PPM1H: variants seen among roughly 807,000 people sequenced by gnomAD.
PPM1H encodes protein phosphatase 1H.
Under a neutral mutation model 54.9 loss-of-function variants are expected in PPM1H, and 27 were observed. The ratio of observed to expected loss-of-function variants is 0.49; its 90% CI spans 0.36 to 0.68. The LOEUF (loss-of-function observed/expected upper bound fraction) is 0.68. Ranked by LOEUF, PPM1H falls within the 30% of genes least tolerant of loss-of-function variation. The pLI is 0.00. For synonymous variants in PPM1H, 305 were observed against 270.8 expected, an observed-to-expected ratio of 1.13 and a Z score of -1.24; for missense variants, 596 against 667.8, an observed-to-expected ratio of 0.89 and a Z score of 1.19.
In PPM1H at chr12:62,934,914, G is replaced by A; in HGVS notation, c.-178C>T. 2.3e-6 allele frequency: 1 copy of A among 442,654 alleles called. No homozygotes were observed. The highest frequency in any genetic ancestry group is 1.1e-4 in the South Asian group (1 of 8,772). The allele number at this position is 442,654 out of a possible 1,614,324, so 27.4% of individuals were successfully genotyped here. The stretch of plus-strand genomic sequence containing the variant: ...GCAGGGGGCCGAGCCCCGGCCTCTC[G>A]TGCTTAGTGCCGCGGTGGCCGCCGC... On this transcript the variant is annotated 5_prime_UTR_variant, in exon 1 of 10. In the 5' UTR this introduces an upstream ATG that the reference lacks. Transcript: ENST00000228705. This position sits in a 1 kb window ranked among gnomAD's most constrained non-coding sequence, Gnocchi z 4.2.
chr12:62,743,120 G>C (rs1312768758), intron 4 of PPM1H, among the ~76,000 whole-genome samples: 1 of 152,172 alleles, frequency 6.6e-6, no homozygotes, highest in Non-Finnish European at 1.5e-5. Context: ...GGAGGCCAAG[G>C]GGGATGGATC....
chr12:62,662,064 C>T (rs191869824), intron 9 of PPM1H, among the ~76,000 whole-genome samples: 229 of 152,260 alleles, frequency 1.5e-3, no homozygotes, highest in African/African-American at 4.2e-3. Flanking sequence ...ACCCTGCCTC[C>T]GTAGGCAGCA....
chr12:62,747,384 C>A (rs2076418867), intron 4 of PPM1H, among the ~76,000 whole-genome samples: 1 of 152,162 alleles, frequency 6.6e-6, no homozygotes, highest in South Asian at 2.1e-4. Flanking sequence ...GATCCACCCG[C>A]CTCGGCCTCC....
chr12:62,787,470 A>C (rs1167530155), intron 4 of PPM1H, among the ~76,000 whole-genome samples: 1 of 152,214 alleles, frequency 6.6e-6, no homozygotes, highest in Middle Eastern at 3.2e-3. Flanking sequence ...TATTTGTTGC[A>C]AAATCTGTAA....
At chr12:62,720,651 C>T (rs369422823) in intron 5 of PPM1H, 3 of 205,958 alleles carry the variant, frequency 1.5e-5, no homozygotes, top group African/African-American at 2.3e-5. Context: ...CTTTTCCACA[C>T]TCATCTCACT....
At chr12:62,807,425 G>T (rs1401573634) in intron 2 of PPM1H, among the ~76,000 whole-genome samples, 1 of 152,140 alleles carries the variant, frequency 6.6e-6, no homozygotes, top group Admixed American at 6.6e-5. Context: ...AATGAAAAGT[G>T]TCATAAAACA....
chr12:62,848,167 T>C (rs1311382315), intron 1 of PPM1H, among the ~76,000 whole-genome samples: 5 of 152,234 alleles, frequency 3.3e-5, no homozygotes, highest in African/African-American at 7.2e-5. Flanking sequence ...GGTTGCAAAA[T>C]ATCCTTTCTG....
In PPM1H at chr12:62,866,349, T is replaced by C. The variant is rs987669095; in HGVS notation, c.246-34070A>G. The stretch of plus-strand genomic sequence containing the variant: ...TTTTAAAGCCTGTTCACAAATTCCT[T>C]GACATCCATCCCTTCAAAAAGTGAA... On this transcript the variant is annotated intron_variant, in intron 1 of 9. Coordinates refer to ENST00000228705, the MANE Select transcript of PPM1H (RefSeq NM_020700.2). Among the ~76,000 whole-genome samples, 6 of 152,174 alleles carry C rather than the reference T, an allele frequency of 3.9e-5. No homozygotes were observed. The East Asian group carries it at 1.2e-3, about 29-fold the overall frequency.
chr12:62,763,377 C>A (rs950346327), intron 4 of PPM1H, among the ~76,000 whole-genome samples: 4 of 152,182 alleles, frequency 2.6e-5, no homozygotes, highest in Non-Finnish European at 5.9e-5. Context: ...GGGCTGAGCA[C>A]CAAATCCAGA....
intron 1 of PPM1H, among the ~76,000 whole-genome samples, chr12:62,836,453 A>G (rs1868506163): frequency 6.6e-6 from 1 of 152,230 alleles, no homozygotes; most frequent in Non-Finnish European, 1.5e-5. Flanking sequence ...TGTAGAAAGT[A>G]ATTAACTCAT....
chr12:62,791,229 C>A (rs1032874106), intron 3 of PPM1H, among the ~76,000 whole-genome samples: 3 of 151,966 alleles, frequency 2.0e-5, no homozygotes, highest in African/African-American at 7.2e-5. Flanking sequence ...GCTTGACTGC[C>A]AAGAATGGTT....
At position 62,934,165 on chromosome 12, in the gene PPM1H, A is replaced by T. The variant is rs1872242639; in HGVS notation, c.245+327T>A. 1 of 294,290 alleles carries T rather than the reference A, an allele frequency of 3.4e-6. No homozygotes were observed. Among genetic ancestry groups the T allele is most frequent in the Non-Finnish European group, 6.3e-6 (1 of 158,738 alleles). The allele number at this position is 294,290 out of a possible 1,614,324, so 18.2% of individuals were successfully genotyped here. Reference sequence around the variant, plus strand: ...TTTCCTTATGTGTTTCAAACTTCAGAGCTTTTCTGCCCGTTTTTTTTCCCC... The same window carrying T: ...TTTCCTTATGTGTTTCAAACTTCAGTGCTTTTCTGCCCGTTTTTTTTCCCC... On this transcript the variant is annotated intron_variant, in intron 1 of 9. Transcript: ENST00000228705. This position sits in a 1 kb window ranked among gnomAD's most constrained non-coding sequence, Gnocchi z 4.2.
intron 8 of PPM1H, among the ~76,000 whole-genome samples, chr12:62,667,633 A>C (rs921158036): frequency 4.6e-5 from 7 of 152,244 alleles, no homozygotes; most frequent in African/African-American, 9.6e-5. Context: ...ATGATGATTT[A>C]TAAGTGGATT....
At chr12:62,831,217 T>C (rs1259387040) in intron 2 of PPM1H, among the ~76,000 whole-genome samples, 1 of 152,140 alleles carries the variant, frequency 6.6e-6, no homozygotes, top group Non-Finnish European at 1.5e-5. Flanking sequence ...CTATGAAAAT[T>C]TTTACACAAA....
intron 1 of PPM1H, among the ~76,000 whole-genome samples, chr12:62,839,740 A>G (rs1868654352): frequency 6.6e-6 from 1 of 151,854 alleles, no homozygotes; most frequent in African/African-American, 2.4e-5. Context: ...TGTTAGTTTT[A>G]GTCCTTCTGG....
At chr12:62,867,939 A>G (rs1367149091) in intron 1 of PPM1H, among the ~76,000 whole-genome samples, 3 of 152,040 alleles carry the variant, frequency 2.0e-5, no homozygotes, top group Non-Finnish European at 4.4e-5. Context: ...GTAAATGCCC[A>G]TATTACGTTC....
intron 3 of PPM1H, among the ~76,000 whole-genome samples, chr12:62,792,611 C>G (rs928190566): frequency 2.6e-5 from 4 of 152,186 alleles, no homozygotes; most frequent in African/African-American, 9.7e-5. Flanking sequence ...AGACGTGTTT[C>G]CATAGACTTC....
intron 1 of PPM1H, among the ~76,000 whole-genome samples, chr12:62,862,344 GA>G: frequency 6.6e-6 from 1 of 152,178 alleles, no homozygotes; most frequent in South Asian, 2.1e-4. Flanking sequence ...GTTTTTGCAT[GA>G]AAAAACAGAT....
intron 8 of PPM1H, among the ~76,000 whole-genome samples, chr12:62,674,021 G>A (rs199619118): frequency 1.9e-4 from 29 of 151,888 alleles, no homozygotes; most frequent in African/African-American, 5.3e-4. Context: ...CTGGCCTAGC[G>A]CTCAATTTTC....
Sources: gnomAD v4.1 joint callset for allele counts (sites outside exome capture counted in the v4.1 genomes callset) on GRCh38, gnomAD v4.1.1 for gene constraint, Gnocchi (gnomAD v3.1) non-coding constraint, MANE v1.5 for transcripts, NCBI Gene and HGNC (gene_info 2026-07-23, HGNC 2026-07-21) for gene names.